CCDC91: variants seen among roughly 807,000 people sequenced by gnomAD.
The protein encoded by CCDC91 is coiled-coil domain-containing protein 91.
CCDC91 carries 48 observed loss-of-function variants against 63.2 expected under a neutral mutation model. That is an observed-to-expected ratio of 0.76 (90% confidence interval 0.60 to 0.97). The LOEUF is 0.97. Among genes scored for constraint, CCDC91 ranks in the 50% least tolerant of loss-of-function variants. The pLI is 0.00. For synonymous variants in CCDC91, 167 were observed against 165.8 expected (o/e 1.01, Z -0.06); for missense variants, 500 against 494.6 (o/e 1.01, Z -0.10).
intron 6 of CCDC91, among the ~76,000 whole-genome samples, chr12:28,313,355 G>T (rs568124765): frequency 1.3e-5 from 2 of 151,818 alleles, no homozygotes; most frequent in Non-Finnish European, 2.9e-5. Flanking sequence ...GGAAAATGTG[G>T]ACAATATAGA....
intron 8 of CCDC91, among the ~76,000 whole-genome samples, chr12:28,437,435 A>G (rs1006072045): frequency 6.6e-6 from 1 of 152,208 alleles, no homozygotes; most frequent in African/African-American, 2.4e-5. Context: ...GCTTTTACAA[A>G]TAATCCATTG....
chr12:28,499,332 C>A (rs558248926), intron 12 of CCDC91, among the ~76,000 whole-genome samples: 1 of 150,102 alleles, frequency 6.7e-6, no homozygotes, highest in South Asian at 2.1e-4. Flanking sequence ...AGAGTTTTCA[C>A]TTGGAATATA....
At chr12:28,478,482 A>C (rs1951246220) in intron 11 of CCDC91, among the ~76,000 whole-genome samples, 1 of 152,118 alleles carries the variant, frequency 6.6e-6, no homozygotes, top group African/African-American at 2.4e-5. Context: ...TAAAGACTTA[A>C]ATGTTAGACC....
At chr12:28,215,294 G>T (rs996438539) in intron 1 of CCDC91, among the ~76,000 whole-genome samples, 4 of 152,004 alleles carry the variant, frequency 2.6e-5, no homozygotes, top group African/African-American at 7.2e-5. Flanking sequence ...CATATCTTTG[G>T]ACATCCTGGC....
intron 8 of CCDC91, among the ~76,000 whole-genome samples, chr12:28,391,663 A>C (rs568741942): frequency 1.7e-4 from 26 of 152,316 alleles, no homozygotes; most frequent in African/African-American, 5.3e-4. Flanking sequence ...ATATTCTCCA[A>C]ATAACAGAAG....
At chr12:28,485,794 T>G (rs757713206) in intron 12 of CCDC91, among the ~76,000 whole-genome samples, 10 of 152,212 alleles carry the variant, frequency 6.6e-5, no homozygotes, top group Non-Finnish European at 1.2e-4. Context: ...TATTTCCATA[T>G]GTACCTACAA....
intron 6 of CCDC91, among the ~76,000 whole-genome samples, chr12:28,327,823 C>T (rs1443403641): frequency 6.6e-6 from 1 of 152,066 alleles, no homozygotes; most frequent in African/African-American, 2.4e-5. Context: ...GTCTGAAGTT[C>T]TTCAGAGGCC....
intron 6 of CCDC91, among the ~76,000 whole-genome samples, chr12:28,319,686 TC>T (rs1289266077): frequency 2.0e-5 from 3 of 151,762 alleles, no homozygotes; most frequent in Non-Finnish European, 2.9e-5. Flanking sequence ...TTATATTATA[TC>T]ATAATAATAC....
chr12:28,496,367 A>G (rs1033041513), intron 12 of CCDC91, among the ~76,000 whole-genome samples: 5 of 151,598 alleles, frequency 3.3e-5, no homozygotes, highest in African/African-American at 1.2e-4. Context: ...TTCCTCACTT[A>G]TGAATCAAAG....
chr12:28,441,875 A>G (rs1949244276), intron 8 of CCDC91, among the ~76,000 whole-genome samples: 2 of 152,016 alleles, frequency 1.3e-5, no homozygotes, highest in Admixed American at 1.3e-4. Flanking sequence ...AAAGATGTGT[A>G]TCACACAGCT....
At chr12:28,309,017 G>A (rs1455070240) in intron 6 of CCDC91, among the ~76,000 whole-genome samples, 9 of 151,900 alleles carry the variant, frequency 5.9e-5, no homozygotes, top group Non-Finnish European at 1.3e-4. Flanking sequence ...TTTACACCAA[G>A]CTTTATAATA....
intron 4 of CCDC91, 23 bp from the exon 5 acceptor site, chr12:28,306,719 A>ATTT: frequency 1.7e-6 from 2 of 1,173,692 alleles, no homozygotes; most frequent in South Asian, 1.6e-5. Flanking sequence ...TCTCTTGTGT[A>ATTT]TTTTTTTTTT....
At chr12:28,429,442 T>G (rs1948510783) in intron 8 of CCDC91, among the ~76,000 whole-genome samples, 1 of 152,130 alleles carries the variant, frequency 6.6e-6, no homozygotes, top group South Asian at 2.1e-4. Flanking sequence ...TTTTTTAATA[T>G]AAAACATTCT....
intron 7 of CCDC91, among the ~76,000 whole-genome samples, chr12:28,380,730 T>C (rs1241254380): frequency 6.6e-6 from 1 of 152,134 alleles, no homozygotes; most frequent in African/African-American, 2.4e-5. Context: ...TACAGTAGCA[T>C]TTGTAAAGGG....
At chr12:28,192,527 C>G (rs1386354520) in intron 1 of CCDC91, among the ~76,000 whole-genome samples, 1 of 152,060 alleles carries the variant, frequency 6.6e-6, no homozygotes, top group African/African-American at 2.4e-5. Flanking sequence ...ATTTTCTGTC[C>G]AAACAATGAG....
In CCDC91 at chr12:28,385,700, C is replaced by T. The variant is rs80318687; in HGVS notation, c.655-5604C>T. On this transcript the variant is annotated intron_variant, in intron 7 of 12. Coordinates refer to ENST00000536442, the MANE Select transcript of CCDC91 (RefSeq NM_018318.5). ...TATTAATATTTTGAAGACCTTATTC[C>T]TTAGACACATCTGCTCTGCAAATCT... 9.2e-3 allele frequency among the ~76,000 whole-genome samples: 1,402 copies of T among 152,186 alleles called. 27 individuals carry two copies. The highest frequency in any genetic ancestry group is 0.032 in the African/African-American group (1,333 of 41,520).
chr12:28,289,979 A>C (rs1252672017), intron 3 of CCDC91, among the ~76,000 whole-genome samples: 1 of 152,062 alleles, frequency 6.6e-6, no homozygotes, highest in Admixed American at 6.5e-5. Context: ...GGCGTGAGCC[A>C]CCACACCTGG....
At chr12:28,469,887 A>G (rs1276204975) in intron 11 of CCDC91, among the ~76,000 whole-genome samples, 1 of 152,068 alleles carries the variant, frequency 6.6e-6, no homozygotes, top group Non-Finnish European at 1.5e-5. Context: ...ATAGCTGTAT[A>G]CAGAAGAAGT....
intron 6 of CCDC91, among the ~76,000 whole-genome samples, chr12:28,355,712 C>T (rs1374561856): frequency 6.6e-6 from 1 of 152,100 alleles, no homozygotes; most frequent in Non-Finnish European, 1.5e-5. Flanking sequence ...CTTTGCATAC[C>T]TTCCTCACTG....
Sources: allele counts gnomAD v4.1 joint callset (sites outside exome capture counted in the v4.1 genomes callset), GRCh38; gene constraint gnomAD v4.1.1; transcripts MANE v1.5; gene names NCBI Gene and HGNC (gene_info 2026-07-23, HGNC 2026-07-21).